The following LYPD6B variants were observed in gnomAD, a reference collection of about 807,000 sequenced individuals.
LYPD6B encodes LY6/PLAUR domain containing 6B.
In LYPD6B, 17 loss-of-function variants were observed where a neutral mutation model predicts 22.8. That is an observed-to-expected ratio of 0.75 (90% CI 0.51 to 1.12). The LOEUF is 1.12. LYPD6B is among the 50% of genes most tolerant of loss of function. The pLI is 0.00. For synonymous variants in LYPD6B, 106 were observed against 91.6 expected, an observed-to-expected ratio of 1.16 and a Z score of -0.90; for missense variants, 221 against 258.3, an observed-to-expected ratio of 0.86 and a Z score of 0.99.
chr2:149,179,552 T>C (rs990157375), intron 3 of LYPD6B, among the ~76,000 whole-genome samples: 3 of 152,262 alleles, frequency 2.0e-5, no homozygotes, highest in African/African-American at 7.2e-5. Context: ...GGGATGTTTC[T>C]GTTAACAGTG....
At chr2:149,068,910 T>G (rs920331931) in intron 1 of LYPD6B, 1 of 279,250 alleles carries the variant, frequency 3.6e-6, no homozygotes, top group Non-Finnish European at 7.4e-6. Context: ...TGCTTCACCA[T>G]TTTGGCTGAT....
chr2:149,099,583 A>C (rs982556308), intron 1 of LYPD6B, among the ~76,000 whole-genome samples: 1 of 152,088 alleles, frequency 6.6e-6, no homozygotes, highest in African/African-American at 2.4e-5. Context: ...TTCTCTGTAT[A>C]ATGAAGTGAG....
intron 1 of LYPD6B, among the ~76,000 whole-genome samples, chr2:149,055,932 TTCTG>T (rs1334640166): frequency 6.6e-6 from 1 of 152,226 alleles, no homozygotes; most frequent in African/African-American, 2.4e-5. Context: ...CCTTGTCTTG[TTCTG>T]TCTGACATTC....
chr2:149,141,129 G>C (rs1275895666), intron 2 of LYPD6B, among the ~76,000 whole-genome samples: 2 of 152,168 alleles, frequency 1.3e-5, no homozygotes, highest in East Asian at 3.9e-4. Flanking sequence ...AGAAAATAGA[G>C]ATTGATAGGG....
intron 1 of LYPD6B, among the ~76,000 whole-genome samples, chr2:149,099,813 A>G (rs1686105631): frequency 6.6e-6 from 1 of 152,196 alleles, no homozygotes; most frequent in African/African-American, 2.4e-5. Flanking sequence ...ACTATTGTCT[A>G]TGATATTGAC....
At chr2:149,063,921 T>C (rs886480873) in intron 1 of LYPD6B, among the ~76,000 whole-genome samples, 1 of 152,222 alleles carries the variant, frequency 6.6e-6, no homozygotes, top group African/African-American at 2.4e-5. Flanking sequence ...TCACAGTAAA[T>C]TTGTGACACA....
At position 149,215,029 on chromosome 2, in the gene LYPD6B, C is replaced by A. The variant is rs1694102409; in HGVS notation, c.*319C>A. The A allele has an allele frequency of 3.3e-6, 1 of 299,194 alleles. No individual in the cohort carries two copies. Among genetic ancestry groups the A allele is most frequent in the Admixed American group, 4.4e-5 (1 of 22,732 alleles). The allele number at this position is 299,194 out of a possible 1,614,324, so 18.5% of individuals were successfully genotyped here. A position where few individuals can be genotyped will look rare whatever the true frequency, so the allele number is the denominator to read the frequency against. ...ACTAGGCCTTTAGCTGAAAGGATTT[C>A]TTGACCTCCTTGACTGCCTCAGAGG... On this transcript the variant is annotated 3_prime_UTR_variant, in exon 7 of 7. Coordinates refer to ENST00000409642, the MANE Select transcript of LYPD6B (RefSeq NM_177964.5).
chr2:149,159,832 G>A (rs1017960935), intron 2 of LYPD6B, among the ~76,000 whole-genome samples: 3 of 151,976 alleles, frequency 2.0e-5, no homozygotes, highest in African/African-American at 4.8e-5. Context: ...TTAAAGCCTC[G>A]ACTGATCAAA....
intron 3 of LYPD6B, among the ~76,000 whole-genome samples, chr2:149,204,344 G>T (rs1295482258): frequency 6.6e-6 from 1 of 152,184 alleles, no homozygotes; most frequent in Non-Finnish European, 1.5e-5. Flanking sequence ...TTTTTCTGCT[G>T]CCCACACCTC....
At chr2:149,097,212 A>G (rs1309463868) in intron 1 of LYPD6B, among the ~76,000 whole-genome samples, 1 of 152,214 alleles carries the variant, frequency 6.6e-6, no homozygotes, top group East Asian at 1.9e-4. Flanking sequence ...AACCTCTCCT[A>G]CTGGAAGTGC....
intron 1 of LYPD6B, among the ~76,000 whole-genome samples, chr2:149,039,297 T>C (rs1003605228): frequency 6.6e-6 from 1 of 152,222 alleles, no homozygotes; most frequent in Non-Finnish European, 1.5e-5. Flanking sequence ...TTGCCCCGGC[T>C]CTTTACTTTT....
intron 1 of LYPD6B, among the ~76,000 whole-genome samples, chr2:149,078,123 C>T (rs1684958610): frequency 6.6e-6 from 1 of 152,242 alleles, no homozygotes; most frequent in Non-Finnish European, 1.5e-5. Context: ...CCAGGGGTCA[C>T]AGTGCCACAT....
At chr2:149,209,447 A>G (rs1303857032) in intron 5 of LYPD6B, among the ~76,000 whole-genome samples, 1 of 152,078 alleles carries the variant, frequency 6.6e-6, no homozygotes, top group Non-Finnish European at 1.5e-5. Context: ...TTAAAACCCT[A>G]CTTAGGAGAT....
rs763684090 is a variant in LYPD6B at position 149,130,937 on chromosome 2, T to A, written c.-12T>A. 6.2e-7 allele frequency: 1 copy of A among 1,603,026 alleles called. No homozygotes were observed. Among genetic ancestry groups the A allele is most frequent in the Non-Finnish European group, 8.5e-7 (1 of 1,169,982 alleles). ...ACCCTCCTGGACTAGGCTGCTCTTG[T>A]TAATCACATGGATGTTGTGAGTATT... is the stretch of plus-strand genomic sequence containing the variant. On this transcript the variant is annotated 5_prime_UTR_variant, in exon 2 of 7. Coordinates refer to ENST00000409642, the MANE Select transcript of LYPD6B (RefSeq NM_177964.5).
intron 1 of LYPD6B, chr2:149,101,608 G>A (rs1428843411): frequency 6.6e-6 from 1 of 152,342 alleles, no homozygotes; most frequent in East Asian, 1.9e-4. Context: ...GAGCAAGGGA[G>A]GCCCTTTCAA....
At chr2:149,142,367 C>T (rs1688749237) in intron 2 of LYPD6B, among the ~76,000 whole-genome samples, 2 of 152,208 alleles carry the variant, frequency 1.3e-5, no homozygotes, top group Admixed American at 6.5e-5. Context: ...TTGCTTTTTC[C>T]AGGAATGGGG....
intron 5 of LYPD6B, among the ~76,000 whole-genome samples, chr2:149,209,110 A>G (rs571030799): frequency 3.3e-5 from 5 of 152,336 alleles, no homozygotes; most frequent in African/African-American, 9.6e-5. Context: ...AGGATCCGAG[A>G]GGGAAGCAAG....
intron 1 of LYPD6B, among the ~76,000 whole-genome samples, chr2:149,106,483 T>C (rs1686477677): frequency 6.6e-6 from 1 of 152,162 alleles, no homozygotes; most frequent in Admixed American, 6.6e-5. Context: ...AGGTTGCCAG[T>C]TTTTCTTGAG....
At chr2:149,183,573 C>T (rs1295562687) in intron 3 of LYPD6B, among the ~76,000 whole-genome samples, 1 of 152,024 alleles carries the variant, frequency 6.6e-6, no homozygotes, top group Non-Finnish European at 1.5e-5. Context: ...GCTTCCTTAC[C>T]TACTATAAGC....
Sources: gnomAD v4.1 joint callset for allele counts (sites outside exome capture counted in the v4.1 genomes callset) on GRCh38, gnomAD v4.1.1 for gene constraint, MANE v1.5 for transcripts, NCBI Gene and HGNC (gene_info 2026-07-23, HGNC 2026-07-21) for gene names.